The following GPC5 variants were observed in gnomAD, a reference collection of about 807,000 sequenced individuals.
GPC5 encodes glypican 5, also known as glypican-5.
A neutral mutation model predicts 53.9 loss-of-function variants in GPC5; 47 were observed. The ratio of observed to expected loss-of-function variants is 0.87; its 90% CI spans 0.69 to 1.11. The LOEUF (loss-of-function observed/expected upper bound fraction) is 1.11. Ranked by LOEUF, GPC5 falls within the 50% of genes most tolerant of loss-of-function variation. GPC5 has a pLI of 0.00. For synonymous variants in GPC5, 286 were observed against 263.3 expected (o/e 1.09, Z -0.84); for missense variants, 748 against 713.1 (o/e 1.05, Z -0.56).
At position 92,666,730 on chromosome 13, in the gene GPC5, T is replaced by C. The variant is rs578094046; in HGVS notation, c.1562-199552T>C. ...AGCATTTATAATTTATCATTTGACATTTGGACTAAAAACTCTAAGTGTATA... is the reference window on the plus strand; with the variant it reads ...AGCATTTATAATTTATCATTTGACACTTGGACTAAAAACTCTAAGTGTATA... On this transcript the variant is annotated intron_variant, in intron 7 of 7. Transcript: ENST00000377067. Among the ~76,000 whole-genome samples the C allele has an allele frequency of 7.9e-5, 12 of 152,336 alleles. No individual in the cohort carries two copies. In the East Asian group the frequency reaches 2.3e-3, roughly 29 times the overall value.
intron 2 of GPC5, among the ~76,000 whole-genome samples, chr13:91,590,833 T>C (rs1342893513): frequency 6.6e-6 from 1 of 152,342 alleles, no homozygotes; most frequent in East Asian, 1.9e-4. Context: ...TTATAAACTA[T>C]TTAAATAAAT....
intron 5 of GPC5, among the ~76,000 whole-genome samples, chr13:91,858,604 A>G (rs936992749): frequency 2.0e-5 from 3 of 152,024 alleles, no homozygotes; most frequent in Non-Finnish European, 2.9e-5. Flanking sequence ...AATGTTCACC[A>G]GGGATATTTC....
intron 7 of GPC5, among the ~76,000 whole-genome samples, chr13:92,553,134 A>G (rs9523713): frequency 0.25 from 37,684 of 151,816 alleles, 4,900 homozygotes; most frequent in Middle Eastern, 0.29. Flanking sequence ...TATTTCTGCT[A>G]TTTGTTTCTG....
intron 7 of GPC5, among the ~76,000 whole-genome samples, chr13:92,863,587 G>A (rs536449749): frequency 1.3e-5 from 2 of 152,110 alleles, no homozygotes; most frequent in Admixed American, 6.5e-5. Flanking sequence ...TCCACCTCCC[G>A]AGTTCAAGTG....
chr13:92,129,434 TTTA>T (rs2041725784), intron 6 of GPC5, among the ~76,000 whole-genome samples: 1 of 152,214 alleles, frequency 6.6e-6, no homozygotes, highest in Admixed American at 6.5e-5. Flanking sequence ...TCATTATTCT[TTTA>T]TATAGTGTCC....
At chr13:92,713,665 AATGAG>A (rs1335519016) in intron 7 of GPC5, among the ~76,000 whole-genome samples, 4 of 151,944 alleles carry the variant, frequency 2.6e-5, no homozygotes, top group Non-Finnish European at 5.9e-5. Context: ...AAGTTAAAAC[AATGAG>A]ATGAGATGAC....
rs1205157651 is a variant in GPC5 at position 92,291,341 on chromosome 13, CTAG to C, written c.1561+146353_1561+146355del. ...GAGGGGACTTGGAGAACCTTTATGT[CTAG>C]CTAAGGGATTGTAAGTACACCGATC... On this transcript the variant is annotated intron_variant, in intron 7 of 7. Transcript: ENST00000377067. 1.6e-4 allele frequency among the ~76,000 whole-genome samples: 24 copies of C among 152,302 alleles called. No individual in the cohort carries two copies. In the East Asian group the frequency reaches 4.6e-3, roughly 29 times the overall value.
intron 7 of GPC5, among the ~76,000 whole-genome samples, chr13:92,266,511 A>C (rs1261100812): frequency 6.6e-6 from 1 of 152,164 alleles, no homozygotes; most frequent in Non-Finnish European, 1.5e-5. Context: ...AAAACATCGG[A>C]GAATTCACTG....
At chr13:91,639,735 A>C (rs1285097275) in intron 2 of GPC5, among the ~76,000 whole-genome samples, 1 of 152,216 alleles carries the variant, frequency 6.6e-6, no homozygotes, top group African/African-American at 2.4e-5. Context: ...CATATTATGC[A>C]TTTATTTTCT....
At chr13:92,146,428 C>G (rs1013005132) in intron 7 of GPC5, among the ~76,000 whole-genome samples, 1 of 151,904 alleles carries the variant, frequency 6.6e-6, no homozygotes, top group Non-Finnish European at 1.5e-5. Flanking sequence ...TGACTAATAA[C>G]TTTTGATGAA....
At chr13:91,917,883 C>A (rs2039675278) in intron 6 of GPC5, among the ~76,000 whole-genome samples, 1 of 152,148 alleles carries the variant, frequency 6.6e-6, no homozygotes, top group African/African-American at 2.4e-5. Flanking sequence ...TTCTTCTGAG[C>A]CCTCCAAACT....
At chr13:92,394,023 G>T (rs554965119) in intron 7 of GPC5, among the ~76,000 whole-genome samples, 4 of 152,160 alleles carry the variant, frequency 2.6e-5, no homozygotes, top group Admixed American at 2.0e-4. Flanking sequence ...TCAGAGGTCT[G>T]CCAGGAATAA....
At chr13:91,996,195 C>G (rs1048426823) in intron 6 of GPC5, 3 of 152,208 alleles carry the variant, frequency 2.0e-5, no homozygotes, top group African/African-American at 7.2e-5. Flanking sequence ...TCTGTGTAGT[C>G]TAATGCTTGC....
Position 92,240,238 on chromosome 13 carries a change from C to T in GPC5, c.1561+95249C>T, listed in dbSNP as rs556105557. 1.5e-4 allele frequency: 22 copies of T among 150,972 alleles called. No homozygotes were observed. The South Asian group carries it at 4.6e-3, about 32-fold the overall frequency. The allele number at this position is 150,972 out of a possible 1,614,324, so 9.4% of individuals were successfully genotyped here. On this transcript the variant is annotated intron_variant, in intron 7 of 7. Transcript: ENST00000377067. ...ATACAGACTGACTAAAAATATGAACCGTTTTTTCTCTGTTTTGGGAAACAA... is the reference window on the plus strand; with the variant it reads ...ATACAGACTGACTAAAAATATGAACTGTTTTTTCTCTGTTTTGGGAAACAA...
At chr13:92,022,330 G>T (rs1014089016) in intron 6 of GPC5, among the ~76,000 whole-genome samples, 3 of 152,124 alleles carry the variant, frequency 2.0e-5, no homozygotes, top group South Asian at 2.1e-4. Flanking sequence ...TAGCAGTTGT[G>T]GGGGAGATTC....
At chr13:91,691,511 T>C (rs2035756968) in intron 2 of GPC5, among the ~76,000 whole-genome samples, 2 of 152,178 alleles carry the variant, frequency 1.3e-5, no homozygotes, top group Admixed American at 1.3e-4. Context: ...AACTAGTTAC[T>C]AGCGATGCAC....
intron 7 of GPC5, among the ~76,000 whole-genome samples, chr13:92,845,427 C>T (rs151243497): frequency 9.2e-5 from 14 of 152,200 alleles, no homozygotes; most frequent in Non-Finnish European, 1.9e-4. Flanking sequence ...GATTCAAAGG[C>T]TGGCAGGCTT....
intron 7 of GPC5, among the ~76,000 whole-genome samples, chr13:92,444,843 A>G (rs900934516): frequency 2.0e-5 from 3 of 152,098 alleles, no homozygotes; most frequent in Admixed American, 1.3e-4. Flanking sequence ...GGGTTCCAGA[A>G]TAATAAAATG....
intron 5 of GPC5, among the ~76,000 whole-genome samples, chr13:91,903,834 G>A (rs1042017324): frequency 3.9e-5 from 6 of 152,088 alleles, no homozygotes; most frequent in African/African-American, 1.4e-4. Flanking sequence ...AAGGTAAGCA[G>A]GTAAGCAATT....
Sources: allele counts gnomAD v4.1 joint callset (sites outside exome capture counted in the v4.1 genomes callset), GRCh38; gene constraint gnomAD v4.1.1; transcripts MANE v1.5; gene names NCBI Gene and HGNC (gene_info 2026-07-23, HGNC 2026-07-21).